The following PTPN22 variants were observed in gnomAD, a reference collection of about 807,000 sequenced individuals.
The protein encoded by PTPN22 is tyrosine-protein phosphatase non-receptor type 22.
Under a neutral mutation model 103.3 loss-of-function variants are expected in PTPN22, and 85 were observed. The ratio of observed to expected loss-of-function variants is 0.82; its 90% CI spans 0.69 to 0.99. The LOEUF is 0.99. PTPN22 is among the 50% of genes least tolerant of loss of function. The pLI, the probability that PTPN22 is intolerant of heterozygous loss-of-function variation, is 0.00. For synonymous variants in PTPN22, 323 were observed against 310.2 expected (o/e 1.04, Z -0.43); for missense variants, 865 against 936.9 (o/e 0.92, Z 1.00).
At chr1:113,838,244 T>G in exon 13 of PTPN22, 2 of 1,614,168 alleles carry the variant, frequency 1.2e-6, no homozygotes, top group Non-Finnish European at 1.7e-6. Flanking sequence ...TTGTCAAAAC[T>G]GTAATTTAGC....
intron 1 of PTPN22, among the ~76,000 whole-genome samples, chr1:113,871,057 A>G (rs1666537107): frequency 6.6e-6 from 1 of 152,062 alleles, no homozygotes; most frequent in Non-Finnish European, 1.5e-5. Flanking sequence ...AACAACAACA[A>G]AAAAAACTGT....
intron 8 of PTPN22, 87 bp from the exon 9 acceptor site, chr1:113,854,624 A>G: frequency 2.3e-6 from 3 of 1,328,482 alleles, no homozygotes; most frequent in Non-Finnish European, 3.2e-6. Flanking sequence ...TCACCAGCAG[A>G]TTTGAGGAAG....
At chr1:113,844,881 C>T (rs987596277) in intron 11 of PTPN22, among the ~76,000 whole-genome samples, 1 of 152,178 alleles carries the variant, frequency 6.6e-6, no homozygotes, top group African/African-American at 2.4e-5. Context: ...TGCAGTGGCA[C>T]AATCACAGTT....
exon 12 of PTPN22, chr1:113,838,606 A>G (rs139421935): frequency 3.7e-6 from 6 of 1,613,644 alleles, no homozygotes; most frequent in Non-Finnish European, 5.1e-6. Context: ...CAGGAATACA[A>G]TGCTTTGCTT....
chr1:113,813,923 C>G (rs1660980767), exon 21 of PTPN22: 1 of 152,300 alleles, frequency 6.6e-6, no homozygotes, highest in East Asian at 1.9e-4. Context: ...ATGAAAAATA[C>G]TGAAGAACAA....
At position 113,859,466 on chromosome 1, in the gene PTPN22, A is replaced by G. The variant is rs1665380517; in HGVS notation, c.88-6T>C. On this transcript the variant is annotated splice_region_variant and splice_polypyrimidine_tract_variant and intron_variant, in intron 1 of 20. Coordinates refer to ENST00000359785, the Ensembl canonical transcript of PTPN22. Reference sequence around the variant, plus strand: ...GTAGATTGCCTTTTCAGCTTCTGTAATAAGATTCCAAGAAAAATTAATCTT... The same window carrying G: ...GTAGATTGCCTTTTCAGCTTCTGTAGTAAGATTCCAAGAAAAATTAATCTT... 6.3e-7 allele frequency: 1 copy of G among 1,598,010 alleles called. No homozygotes were observed. Among genetic ancestry groups the G allele is most frequent in the African/African-American group, 1.3e-5 (1 of 74,584 alleles).
chr1:113,859,232 T>C, intron 2 of PTPN22, 120 bp downstream of exon 2: 1 of 1,546,390 alleles, frequency 6.5e-7, no homozygotes, highest in Non-Finnish European at 8.8e-7. Flanking sequence ...TCATAAATAG[T>C]ACAAACTAAG....
At chr1:113,831,386 T>G (rs1439013391) in intron 16 of PTPN22, among the ~76,000 whole-genome samples, 1 of 152,134 alleles carries the variant, frequency 6.6e-6, no homozygotes, top group Non-Finnish European at 1.5e-5. Context: ...CATTAAGTCA[T>G]CACTCCTTAT....
intron 5 of PTPN22, chr1:113,857,535 G>C (rs938030643): frequency 6.3e-5 from 32 of 504,818 alleles, no homozygotes; most frequent in South Asian, 7.7e-5. Context: ...GTAAAACATA[G>C]GGTCTACTGA....
intron 18 of PTPN22, among the ~76,000 whole-genome samples, chr1:113,829,376 G>C (rs1472265172): frequency 6.6e-6 from 1 of 151,896 alleles, no homozygotes; most frequent in Non-Finnish European, 1.5e-5. Flanking sequence ...GTACCCAATA[G>C]GTATTTTTTC....
rs1665330191 is a variant in PTPN22, at chr1:113,858,982, T to C, written c.273+20A>G. The C allele has an allele frequency of 6.2e-7, 1 of 1,609,966 alleles. No individual in the cohort carries two copies. The highest frequency in any genetic ancestry group is 1.7e-5 in the Admixed American group (1 of 59,380). On this transcript the variant is annotated intron_variant, in intron 3 of 20. Transcript: ENST00000359785. The stretch of plus-strand genomic sequence containing the variant: ...GGTATCTAGAGAAATATGGAATGCT[T>C]TTATTTTCTTTCACTGTACCTTAAT...
chr1:113,856,462 C>A (rs1485758477), intron 6 of PTPN22, 21 bp from the exon 7 acceptor site: 2 of 1,611,044 alleles, frequency 1.2e-6, no homozygotes, highest in Non-Finnish European at 8.5e-7. Context: ...AAAGAAGACT[C>A]AAGTATTAGT....
intron 18 of PTPN22, among the ~76,000 whole-genome samples, chr1:113,828,818 G>T (rs760196209): frequency 1.4e-4 from 22 of 151,902 alleles, no homozygotes; most frequent in Non-Finnish European, 3.1e-4. Context: ...TGTATTTTTG[G>T]TAGAGACGGG....
chr1:113,816,444 A>G (rs1224731018), intron 20 of PTPN22, among the ~76,000 whole-genome samples: 1 of 151,318 alleles, frequency 6.6e-6, no homozygotes, highest in Admixed American at 6.6e-5. Context: ...AAGAATTGAA[A>G]AAAAAAAACA....
At chr1:113,837,860 T>C in exon 13 of PTPN22, 1 of 1,614,122 alleles carries the variant, frequency 6.2e-7, no homozygotes, top group East Asian at 2.2e-5. Context: ...TGCTTTACAT[T>C]AGAGGCATTA....
rs1051362042 is a variant in PTPN22, at chr1:113,859,580, G to C, written c.88-120C>G. 8 of 769,986 alleles carry C rather than the reference G, an allele frequency of 1.0e-5. No homozygotes were observed. The Admixed American group carries it at 1.8e-4, about 17-fold the overall frequency. The allele number at this position is 769,986 out of a possible 1,614,324, so 47.7% of individuals were successfully genotyped here. On this transcript the variant is annotated intron_variant, in intron 1 of 20. Transcript: ENST00000359785. ...TACCTCAACCCTTTTATTATCTTCT[G>C]GTTCTGACTCCGTTCAGGACAGAGC... is the stretch of plus-strand genomic sequence containing the variant.
intron 10 of PTPN22, 90 bp downstream of exon 10, chr1:113,851,937 T>C: frequency 1.1e-6 from 1 of 891,484 alleles, no homozygotes; most frequent in Non-Finnish European, 1.7e-6. Flanking sequence ...GTGTTATATC[T>C]GAGCAGTCAG....
intron 1 of PTPN22, among the ~76,000 whole-genome samples, chr1:113,861,431 G>A (rs562963232): frequency 8.3e-4 from 126 of 152,128 alleles, no homozygotes; most frequent in Admixed American, 1.9e-3. Context: ...TGGTAGAGAC[G>A]GGGTTTCACC....
chr1:113,841,690 C>T (rs1663565235), intron 11 of PTPN22, among the ~76,000 whole-genome samples: 1 of 151,348 alleles, frequency 6.6e-6, no homozygotes, highest in Non-Finnish European at 1.5e-5. Context: ...GCAGCCTCTG[C>T]CTCCTGGGGT....
Sources: allele counts gnomAD v4.1 joint callset (sites outside exome capture counted in the v4.1 genomes callset), GRCh38; gene constraint gnomAD v4.1.1; transcripts MANE v1.5; gene names NCBI Gene and HGNC (gene_info 2026-07-23, HGNC 2026-07-21).